CLIP2: variants seen among roughly 807,000 people sequenced by gnomAD.
CLIP2 encodes CAP-Gly domain containing linker protein 2, also known as CAP-Gly domain-containing linker protein 2.
A neutral mutation model predicts 111.7 loss-of-function variants in CLIP2; 41 were observed. The observed-to-expected ratio is 0.37, with a 90% CI of 0.29 to 0.48. The LOEUF (loss-of-function observed/expected upper bound fraction) is 0.48, where lower values mean the gene tolerates loss of function less well. CLIP2 is among the 20% of genes least tolerant of loss of function. CLIP2 has a pLI of 0.99. For missense variants in CLIP2, 1,160 were observed against 1,422.1 expected (o/e 0.82, Z 2.96); for synonymous variants, 660 against 644.2 (o/e 1.02, Z -0.37).
Position 74,336,410 on chromosome 7 carries a change from C to T in CLIP2, c.122-2038C>T, listed in dbSNP as rs148655894. The stretch of plus-strand genomic sequence containing the variant: ...TAAAGGAAAAGAAGTTTAATGGACT[C>T]ACAGTTCCATGTGGCTGGGGAGGCC... On this transcript the variant is annotated intron_variant, in intron 2 of 16. Transcript: ENST00000223398. Among the ~76,000 whole-genome samples the T allele has an allele frequency of 4.6e-3, 704 of 152,104 alleles. 1 individual carries two copies. The highest frequency in any genetic ancestry group is 0.012 in the Admixed American group (183 of 15,216).
intron 3 of CLIP2, among the ~76,000 whole-genome samples, chr7:74,348,399 T>C (rs1255848190): frequency 6.6e-6 from 1 of 152,034 alleles, no homozygotes; most frequent in Non-Finnish European, 1.5e-5. Flanking sequence ...CTCATACCTG[T>C]AACCCCAGTG....
intron 3 of CLIP2, among the ~76,000 whole-genome samples, chr7:74,353,458 G>A (rs1170642894): frequency 6.6e-6 from 1 of 151,966 alleles, no homozygotes; most frequent in African/African-American, 2.4e-5. Context: ...ACCATGTTGG[G>A]CAGGCTGGTC....
At chr7:74,292,567 T>C (rs1788055679) in intron 1 of CLIP2, among the ~76,000 whole-genome samples, 1 of 152,074 alleles carries the variant, frequency 6.6e-6, no homozygotes, top group South Asian at 2.1e-4. Context: ...TTTGTAGTTT[T>C]AGTAGAGGCA....
At chr7:74,401,727 C>G in intron 16 of CLIP2, 160 bp downstream of exon 16, 1 of 741,984 alleles carries the variant, frequency 1.3e-6, no homozygotes, top group South Asian at 1.5e-5. Flanking sequence ...AAACTTGATT[C>G]CAGATTCACC....
At chr7:74,320,954 G>T (rs1554729934) in intron 2 of CLIP2, among the ~76,000 whole-genome samples, 1 of 87,666 alleles carries the variant, frequency 1.1e-5, no homozygotes, top group African/African-American at 2.9e-5. Context: ...ATGGCGTGCA[G>T]CGAGAGAGTC....
At chr7:74,325,147 C>CCTGGACTG (rs1396414959) in intron 2 of CLIP2, among the ~76,000 whole-genome samples, 1 of 152,222 alleles carries the variant, frequency 6.6e-6, no homozygotes, top group African/African-American at 2.4e-5. Flanking sequence ...AGGGACAGGG[C>CCTGGACTG]CTGGACTGGT....
At chr7:74,399,694 C>T (rs1249995838) in intron 14 of CLIP2, among the ~76,000 whole-genome samples, 1 of 151,864 alleles carries the variant, frequency 6.6e-6, no homozygotes, top group Non-Finnish European at 1.5e-5. Flanking sequence ...TGTGAGCCAC[C>T]ACACCCTGCT....
At chr7:74,291,561 G>A (rs1283555478) in intron 1 of CLIP2, among the ~76,000 whole-genome samples, 1 of 152,168 alleles carries the variant, frequency 6.6e-6, no homozygotes, top group Non-Finnish European at 1.5e-5. Context: ...CTGGCTTTTA[G>A]GGTTGTTAGG....
intron 8 of CLIP2, among the ~76,000 whole-genome samples, chr7:74,372,630 C>G (rs1379478074): frequency 2.6e-5 from 4 of 152,024 alleles, no homozygotes; most frequent in Non-Finnish European, 4.4e-5. Flanking sequence ...ATTGCTACCC[C>G]AAGCAGGGGC....
At chr7:74,342,332 C>T (rs138078940) in intron 3 of CLIP2, among the ~76,000 whole-genome samples, 4,692 of 151,688 alleles carry the variant, frequency 0.031, 120 homozygotes, top group Non-Finnish European at 0.05. Flanking sequence ...GCCGAGATCA[C>T]GCCATTGCAC....
chr7:74,300,130 G>A (rs1788287670), intron 1 of CLIP2, among the ~76,000 whole-genome samples: 1 of 152,070 alleles, frequency 6.6e-6, no homozygotes, highest in Non-Finnish European at 1.5e-5. Flanking sequence ...GGGAATTCAG[G>A]TATGCACCAC....
chr7:74,390,171 AAGAAAGAAAG>A (rs1791247079), intron 13 of CLIP2, among the ~76,000 whole-genome samples: 2 of 35,800 alleles, frequency 5.6e-5, no homozygotes, highest in African/African-American at 1.4e-4. Context: ...AGAAGAAAGA[AAGAAAGAAAG>A]AAAGAAAGAA....
intron 9 of CLIP2, among the ~76,000 whole-genome samples, chr7:74,375,546 CAAAAA>C (rs34885959): frequency 1.2e-4 from 4 of 33,180 alleles, no homozygotes; most frequent in East Asian, 2.0e-3. Flanking sequence ...GAGCGAGACT[CAAAAA>C]AAAAAAAAAA....
rs1791208738 is a variant in CLIP2, at chr7:74,389,275, G to A, written c.2720+16G>A. ...GGAAGGAGCGGTGAGGCGGCCGTGGGGCCGGCTGGGTCCTCCCTGTGGCCC... is the reference window on the plus strand; with the variant it reads ...GGAAGGAGCGGTGAGGCGGCCGTGGAGCCGGCTGGGTCCTCCCTGTGGCCC... On this transcript the variant is annotated intron_variant, in intron 13 of 16. Coordinates refer to ENST00000223398, the MANE Select transcript of CLIP2 (RefSeq NM_003388.5). 6 of 1,559,670 alleles carry A rather than the reference G, an allele frequency of 3.8e-6. No individual in the cohort carries two copies. The highest frequency in any genetic ancestry group is 5.2e-6 in the Non-Finnish European group (6 of 1,154,282).
intron 2 of CLIP2, among the ~76,000 whole-genome samples, chr7:74,321,833 A>G (rs1404202748): frequency 6.6e-6 from 1 of 151,892 alleles, no homozygotes; most frequent in Non-Finnish European, 1.5e-5. Context: ...GCAGTAGTGT[A>G]CAGTCATCAG....
chr7:74,292,779 A>G (rs1788064173), intron 1 of CLIP2, among the ~76,000 whole-genome samples: 2 of 152,206 alleles, frequency 1.3e-5, no homozygotes. Flanking sequence ...TGGCACAAAG[A>G]GGTGGCTGTG....
intron 1 of CLIP2, among the ~76,000 whole-genome samples, chr7:74,305,939 G>C (rs900188942): frequency 1.3e-5 from 2 of 149,576 alleles, no homozygotes; most frequent in African/African-American, 4.9e-5. Flanking sequence ...CTGATTGTGG[G>C]GGACCCCTGG....
Position 74,294,345 on chromosome 7 carries a change from C to T in CLIP2, c.-68+4611C>T, listed in dbSNP as rs570883504. On this transcript the variant is annotated intron_variant, in intron 1 of 16. Transcript: ENST00000223398. The stretch of plus-strand genomic sequence containing the variant: ...GAAATGCTTCAAAATGTTAATGAAA[C>T]GTTTCCCTTCTGAATAGAAGGCAGA... 3.3e-5 allele frequency among the ~76,000 whole-genome samples: 5 copies of T among 152,308 alleles called. No homozygotes were observed. The South Asian group carries it at 8.3e-4, about 25-fold the overall frequency.
At chr7:74,316,190 T>C (rs1206106423) in intron 1 of CLIP2, among the ~76,000 whole-genome samples, 2 of 152,130 alleles carry the variant, frequency 1.3e-5, no homozygotes, top group African/African-American at 4.8e-5. Flanking sequence ...ACTCCATCCA[T>C]GTCCCTGCAA....
Sources: gnomAD v4.1 joint callset for allele counts (sites outside exome capture counted in the v4.1 genomes callset) on GRCh38, gnomAD v4.1.1 for gene constraint, MANE v1.5 for transcripts, NCBI Gene and HGNC (gene_info 2026-07-23, HGNC 2026-07-21) for gene names.